Variants in TNXB observed in about 807,000 individuals in gnomAD.
TNXB encodes tenascin-X.
TNXB carries 183 observed loss-of-function variants against 340.5 expected under a neutral mutation model. The ratio of observed to expected loss-of-function variants is 0.54; its 90% CI spans 0.48 to 0.61. The LOEUF is 0.61. TNXB is among the 20% of genes least tolerant of loss of function. The pLI is 0.00. For synonymous variants in TNXB, 2,121 were observed against 2,314.5 expected, an observed-to-expected ratio of 0.92 and a Z score of 2.40; for missense variants, 4,613 against 5,446.4, an observed-to-expected ratio of 0.85 and a Z score of 4.82.
chr6:32,059,931 G>C (rs2151905566), intron 21 of TNXB, among the ~76,000 whole-genome samples: 1 of 152,116 alleles, frequency 6.6e-6, no homozygotes, highest in East Asian at 1.9e-4. Flanking sequence ...GGCTGAGGAT[G>C]ACTTAGAAAA....
rs750439153 is a variant in TNXB at position 32,044,198 on chromosome 6, C to T, written c.11264-69G>A. On this transcript the variant is annotated intron_variant, in intron 33 of 43. Coordinates refer to ENST00000644971, the MANE Select transcript of TNXB (RefSeq NM_001365276.2). ...GGCTTCTCCCTACGAGTCCCCCCCT[C>T]GCCTCTGCTCCAGCACAGGCTCACC... The T allele has an allele frequency of 2.1e-4, 278 of 1,328,960 alleles. 30 individuals carry two copies. The highest frequency in any genetic ancestry group is 2.6e-4 in the Middle Eastern group (1 of 3,854). The allele number at this position is 1,328,960 out of a possible 1,614,324, so 82.3% of individuals were successfully genotyped here.
In TNXB at chr6:32,097,923, C is replaced by T. The variant is rs373854506; in HGVS notation, c.276G>A (p.Glu92=). 3 of 1,590,428 alleles carry T rather than the reference C, an allele frequency of 1.9e-6. No individual in the cohort carries two copies. The East Asian group carries it at 6.8e-5, about 36-fold the overall frequency. Residue 92 remains glutamate (E), a synonymous_variant, in exon 2 of 44, where the codon GAG becomes GAA. Coordinates refer to ENST00000644971, the MANE Select transcript of TNXB (RefSeq NM_001365276.2). The surrounding 1 kb of genome is among the most constrained non-coding windows in gnomAD (Gnocchi z 5.9). ...STGCGCPPGT[E]PPVLASEVQA... ...GTACCTCTGAAGCAAGGACTGGGGG[C>T]TCGGTGCCTGGGGGACAGCCACAGC...
At position 32,070,717 on chromosome 6, in the gene TNXB, C is replaced by A. The variant is rs1778723794; in HGVS notation, c.4991-303G>T. On this transcript the variant is annotated intron_variant, in intron 13 of 43. Transcript: ENST00000644971. This position sits in a 1 kb window ranked among gnomAD's most constrained non-coding sequence, Gnocchi z 6.0. ...CACAGACTGCTTCCCCAGCAGGGTG[C>A]AGCTTCTTACAGACTGGGTCTCTAT... Among the ~76,000 whole-genome samples, 1 of 152,218 alleles carries A rather than the reference C, an allele frequency of 6.6e-6. No homozygotes were observed. Among genetic ancestry groups the A allele is most frequent in the Non-Finnish European group, 1.5e-5 (1 of 68,042 alleles).
chr6:32,043,763 C>A lies in TNXB; in HGVS notation c.11516G>T (p.Gly3839Val), dbSNP rs947084202. 1.2e-6 allele frequency: 2 copies of A among 1,613,388 alleles called. No homozygotes were observed. Among genetic ancestry groups the A allele is most frequent in the African/African-American group, 2.7e-5 (2 of 74,908 alleles). ...RGFEESEPLT[G>V]FLTTVPDGPT... Reference sequence around the variant, plus strand: ...GTCCATCTCACCCGTGGTGAGGAAGCCTGTGAGAGGCTCACTCTCCTCAAA... The same window carrying A: ...GTCCATCTCACCCGTGGTGAGGAAGACTGTGAGAGGCTCACTCTCCTCAAA... The change falls in exon 35 of 44, where the codon GGC becomes GTC. Residue 3839 changes from glycine to valine, a missense_variant. Coordinates refer to ENST00000644971, the MANE Select transcript of TNXB (RefSeq NM_001365276.2).
Position 32,047,930 on chromosome 6 carries a change from C to T in TNXB, c.10128G>A (p.Thr3376=), listed in dbSNP as rs777967097. The change falls in exon 30 of 44, where the codon ACG becomes ACA. Residue 3376 remains threonine (T), a synonymous_variant. Transcript: ENST00000644971. This position sits in a 1 kb window ranked among gnomAD's most constrained non-coding sequence, Gnocchi z 6.2. ...AGGAGTCGAATTCGCCCTCAGGGAC[C>T]GTCCACGAGAGGCCCACGGAGTCAG... ...ATPDSVGLSW[T]VPEGEFDSFV... is the part of the protein sequence containing the mutation. 2.5e-5 allele frequency: 41 copies of T among 1,612,394 alleles called. No homozygotes were observed. Among genetic ancestry groups the T allele is most frequent in the South Asian group, 7.7e-5 (7 of 91,006 alleles).
In TNXB at chr6:32,070,200, G is replaced by C; in HGVS notation, c.5205C>G (p.Arg1735=). 1 of 1,612,174 alleles carries C rather than the reference G, an allele frequency of 6.2e-7. No homozygotes were observed. Among genetic ancestry groups the C allele is most frequent in the Non-Finnish European group, 8.5e-7 (1 of 1,179,254 alleles). ...GGCCATAGAGGAGGAATCTGTACTTGCGGCCGGCATCCAGAGGGGTGACAG... is the reference window on the plus strand; with the variant it reads ...GGCCATAGAGGAGGAATCTGTACTTCCGGCCGGCATCCAGAGGGGTGACAG... ...SVTVTPLDAG[R]KYRFLLYGLL... Residue 1735 remains arginine (R), a synonymous_variant, in exon 14 of 44, where the codon CGC becomes CGG. Transcript: ENST00000644971. The surrounding 1 kb of genome is among the most constrained non-coding windows in gnomAD (Gnocchi z 6.0).
At chr6:32,078,119 GAAAGAAAGAAAGAAAA>G (rs1220284540) in intron 11 of TNXB, among the ~76,000 whole-genome samples, 1 of 141,738 alleles carries the variant, frequency 7.1e-6, no homozygotes, top group Non-Finnish European at 1.6e-5. Context: ...AAGAAAGAAA[GAAAGAAAGAAAGAAAA>G]AGAGAGAAAG....
rs755526864 is a variant in TNXB, at chr6:32,070,128, C to T, written c.5277G>A (p.Thr1759=). The stretch of plus-strand genomic sequence containing the variant: ...GGACCTGCAGGGAATGCCCCTCACC[C>T]GTGGTGCCGTCGGCAGTGAGAGGGC... ...RHGPLTADGT[T]EARSAMDDTG... The change falls in exon 14 of 44, where the codon ACG becomes ACA. Residue 1759 remains threonine (T), a splice_region_variant and synonymous_variant. Transcript: ENST00000644971. The surrounding 1 kb of genome is among the most constrained non-coding windows in gnomAD (Gnocchi z 6.0). 15 of 1,562,880 alleles carry T rather than the reference C, an allele frequency of 9.6e-6. No homozygotes were observed. The highest frequency in any genetic ancestry group is 8.3e-5 in the South Asian group (7 of 84,264).
In TNXB at chr6:32,082,878, G is replaced by A. The variant is rs1011464622; in HGVS notation, c.3446-552C>T. Among the ~76,000 whole-genome samples, 3 of 152,112 alleles carry A rather than the reference G, an allele frequency of 2.0e-5. No homozygotes were observed. The highest frequency in any genetic ancestry group is 7.2e-5 in the African/African-American group (3 of 41,400). ...ACTGACCCTTCACTCCCCAGCAGCT[G>A]TGCCATCAGCATTTCAACAAGCTAC... On this transcript the variant is annotated intron_variant, in intron 8 of 43. Transcript: ENST00000644971. The surrounding 1 kb of genome is among the most constrained non-coding windows in gnomAD (Gnocchi z 5.0).
chr6:32,072,321 A>G lies in TNXB; in HGVS notation c.4682-23T>C, dbSNP rs114442889. On this transcript the variant is annotated intron_variant, in intron 12 of 43. Transcript: ENST00000644971. This position sits in a 1 kb window ranked among gnomAD's most constrained non-coding sequence, Gnocchi z 4.4. ...GAGCTGGGATTTGGGAAGACAAAGA[A>G]CATGGTTGAGATCTCTGAGGGGAGA... is the stretch of plus-strand genomic sequence containing the variant. 6.3e-7 allele frequency: 1 copy of G among 1,577,878 alleles called. No homozygotes were observed. The highest frequency in any genetic ancestry group is 8.6e-7 in the Non-Finnish European group (1 of 1,160,026).
rs867398012 is a variant in TNXB at position 32,090,350 on chromosome 6, C to T, written c.2359-971G>A. 1.8e-4 allele frequency among the ~76,000 whole-genome samples: 27 copies of T among 152,278 alleles called. No individual in the cohort carries two copies. The highest frequency in any genetic ancestry group is 6.3e-4 in the African/African-American group (26 of 41,544). Reference sequence around the variant, plus strand: ...GGAATTATGATTATGTGTGGTGCCTCCAAAGGGAATCTACTGGACCCTGCT... The same window carrying T: ...GGAATTATGATTATGTGTGGTGCCTTCAAAGGGAATCTACTGGACCCTGCT... On this transcript the variant is annotated intron_variant, in intron 4 of 43. Transcript: ENST00000644971. This position sits in a 1 kb window ranked among gnomAD's most constrained non-coding sequence, Gnocchi z 4.3.
At position 32,084,571 on chromosome 6, in the gene TNXB, T is replaced by C. The variant is rs773838972; in HGVS notation, c.3287A>G (p.Tyr1096Cys). 10 of 1,608,818 alleles carry C rather than the reference T, an allele frequency of 6.2e-6. No individual in the cohort carries two copies. The highest frequency in any genetic ancestry group is 8.5e-6 in the Non-Finnish European group (10 of 1,178,640). ...EGEFDSFVIQYKDRDGQPQVV... is the reference protein window; with the variant it reads ...EGEFDSFVIQCKDRDGQPQVV... ...CTGGGGCTGCCCGTCCCTGTCTTTG[T>C]ACTGGATCACGAAGGAGTCAAACTC... The change falls in exon 8 of 44, where the codon TAC becomes TGC. Residue 1096 changes from tyrosine (Y) to cysteine (C), a missense_variant. Around this residue, in one of 7 missense-constraint regions of TNXB, gnomAD observed 4,327 missense variants for 4,859.4 expected, o/e 0.89. Coordinates refer to ENST00000644971, the MANE Select transcript of TNXB (RefSeq NM_001365276.2). The surrounding 1 kb of genome is among the most constrained non-coding windows in gnomAD (Gnocchi z 5.5).
In TNXB at chr6:32,072,050, G is replaced by C. The variant is rs762859726; in HGVS notation, c.4930C>G (p.Leu1644Val). The change falls in exon 13 of 44, where the codon CTG becomes GTG. Residue 1644 changes from leucine (L) to valine (V), a missense_variant. Transcript: ENST00000644971. This position sits in a 1 kb window ranked among gnomAD's most constrained non-coding sequence, Gnocchi z 4.4. ...DLEPSRKYKF[L>V]LFGIQDGKRR... ...TTCCCATCCTGGATCCCAAAGAGCA[G>C]GAACTTGTACTTGCGGGAGGGTTCC... 3.1e-6 allele frequency: 5 copies of C among 1,612,174 alleles called. No homozygotes were observed. The highest frequency in any genetic ancestry group is 3.4e-6 in the Non-Finnish European group (4 of 1,179,198).
At chr6:32,048,825 C>G (rs1432246151) in intron 28 of TNXB, among the ~76,000 whole-genome samples, 175 bp from the exon 29 acceptor site, 1 of 152,244 alleles carries the variant, frequency 6.6e-6, no homozygotes, top group Non-Finnish European at 1.5e-5. Context: ...ATTTAACCCT[C>G]GCACAACATA....
Position 32,058,200 on chromosome 6 carries a change from C to A in TNXB, c.7683G>T (p.Gly2561=). 6.2e-7 allele frequency: 1 copy of A among 1,612,396 alleles called. No homozygotes were observed. Among genetic ancestry groups the A allele is most frequent in the African/African-American group, 1.3e-5 (1 of 74,996 alleles). The change falls in exon 22 of 44, where the codon GGG becomes GGT. Residue 2561 remains glycine, a synonymous_variant. Transcript: ENST00000644971. This position sits in a 1 kb window ranked among gnomAD's most constrained non-coding sequence, Gnocchi z 5.1. Reference sequence around the variant, plus strand: ...CCCCAACACGCACCGCCTGGGGCCGCCCGTCCCTGTCCTTGTACTGCACGG... The same window carrying A: ...CCCCAACACGCACCGCCTGGGGCCGACCGTCCCTGTCCTTGTACTGCACGG... ...SFTVQYKDRD[G]RPQAVRVGGQ...
rs780536658 is a variant in TNXB, at chr6:32,096,595, C to G, written c.1258G>C (p.Val420Leu). Residue 420 changes from valine to leucine, a missense_variant, in exon 3 of 44, where the codon GTG becomes CTG. Transcript: ENST00000644971. ...QRGRCEDGRC[V>L]CWPGYTGTDC... ...GTTCCAGTGTACCCCGGCCAGCACACGCAGCGGCCGTCCTCGCAGCGGCCC... is the reference window on the plus strand; with the variant it reads ...GTTCCAGTGTACCCCGGCCAGCACAGGCAGCGGCCGTCCTCGCAGCGGCCC... The G allele has an allele frequency of 1.9e-6, 3 of 1,582,752 alleles. No homozygotes were observed. In the Admixed American group the frequency reaches 5.4e-5, roughly 28 times the overall value.
rs765674740 is a variant in TNXB at position 32,068,748 on chromosome 6, G to T, written c.5903-41C>A. On this transcript the variant is annotated intron_variant, in intron 16 of 43. Transcript: ENST00000644971. The surrounding 1 kb of genome is among the most constrained non-coding windows in gnomAD (Gnocchi z 5.3). ...GAAAGAGAGGACTGAGGTGGGCAGG[G>T]TATCCGCGGGACTCTGCTGTCCTCT... 1 of 1,599,746 alleles carries T rather than the reference G, an allele frequency of 6.3e-7. No homozygotes were observed. The highest frequency in any genetic ancestry group is 8.5e-7 in the Non-Finnish European group (1 of 1,171,340).
Position 32,047,859 on chromosome 6 carries a change from G to T in TNXB, c.10199C>A (p.Pro3400Gln). ...KDKDGRLQVVPVAANQREVTV... is the reference protein window; with the variant it reads ...KDKDGRLQVVQVAANQREVTV... ...GACCTCCCGCTGGTTGGCTGCCACC[G>T]GCACCACCTGGAGCCGACCATCCTT... Residue 3400 changes from proline to glutamine, a missense_variant, in exon 30 of 44, where the codon CCG (proline) becomes CAG (glutamine). Pro to Gln is a moderately conservative substitution (Grantham distance 76). This residue lies in a region of TNXB where 4,327 missense variants were observed against 4,859.4 expected (regional missense o/e 0.89). Transcript: ENST00000644971. The surrounding 1 kb of genome is among the most constrained non-coding windows in gnomAD (Gnocchi z 6.2). 6.2e-7 allele frequency: 1 copy of T among 1,612,074 alleles called. No individual in the cohort carries two copies. Among genetic ancestry groups the T allele is most frequent in the Non-Finnish European group, 8.5e-7 (1 of 1,179,534 alleles).
At position 32,068,631 on chromosome 6, in the gene TNXB, C is replaced by T; in HGVS notation, c.5979G>A (p.Leu1993=). Residue 1993 remains leucine (L), a synonymous_variant, in exon 17 of 44, where the codon CTG becomes CTA. Coordinates refer to ENST00000644971, the MANE Select transcript of TNXB (RefSeq NM_001365276.2). This position sits in a 1 kb window ranked among gnomAD's most constrained non-coding sequence, Gnocchi z 5.3. Reference sequence around the variant, plus strand: ...AGTCAGGGGTGGCATCTGTCACGGTCAGCTCCCCCAGGCGAGGCTTGATGG... The same window carrying T: ...AGTCAGGGGTGGCATCTGTCACGGTTAGCTCCCCCAGGCGAGGCTTGATGG... ...EPPIKPRLGE[L]TVTDATPDSL... 15 of 1,613,876 alleles carry T rather than the reference C, an allele frequency of 9.3e-6. No individual in the cohort carries two copies. The highest frequency in any genetic ancestry group is 1.3e-5 in the Non-Finnish European group (15 of 1,179,854).
Sources: allele counts gnomAD v4.1 joint callset (sites outside exome capture counted in the v4.1 genomes callset), GRCh38; gene constraint gnomAD v4.1.1; regional missense constraint gnomAD v4.1.1; non-coding constraint Gnocchi (gnomAD v3.1); transcripts MANE v1.5; gene names NCBI Gene and HGNC (gene_info 2026-07-23, HGNC 2026-07-21).